Variants in USPL1 observed in about 807,000 individuals in gnomAD.
USPL1 encodes ubiquitin specific peptidase like 1, also known as SUMO-specific isopeptidase USPL1.
Under a neutral mutation model 51.5 loss-of-function variants are expected in USPL1, and 27 were observed. The ratio of observed to expected loss-of-function variants is 0.52; its 90% CI spans 0.39 to 0.72. The LOEUF is 0.72. USPL1 is among the 30% of genes least tolerant of loss of function. USPL1 has a pLI of 0.00. For synonymous variants in USPL1, 451 were observed against 459.6 expected, an observed-to-expected ratio of 0.98 and a Z score of 0.24; for missense variants, 1,226 against 1,268.0, an observed-to-expected ratio of 0.97 and a Z score of 0.50.
At chr13:30,620,467 G>T (rs1243050154) in intron 1 of USPL1, among the ~76,000 whole-genome samples, 3 of 152,154 alleles carry the variant, frequency 2.0e-5, no homozygotes, top group African/African-American at 7.2e-5. Context: ...TGCCACATAT[G>T]TAATTTGTAC....
intron 6 of USPL1, among the ~76,000 whole-genome samples, chr13:30,645,785 G>C (rs1181484613): frequency 6.6e-6 from 1 of 152,190 alleles, no homozygotes; most frequent in East Asian, 1.9e-4. Context: ...ATTTATCACT[G>C]TACTCTATGT....
chr13:30,651,123 G>A (rs1039048533), intron 7 of USPL1, among the ~76,000 whole-genome samples: 2 of 152,046 alleles, frequency 1.3e-5, no homozygotes, highest in African/African-American at 4.8e-5. Flanking sequence ...GTTCTGCATC[G>A]TTTCACTCCA....
rs1951244678 is a variant in USPL1 at position 30,660,462 on chromosome 13, A to G, written c.*1106A>G. 6.6e-6 allele frequency: 1 copy of G among 152,232 alleles called. No individual in the cohort carries two copies. Among genetic ancestry groups the G allele is most frequent in the Admixed American group, 6.5e-5 (1 of 15,294 alleles). The allele number at this position is 152,232 out of a possible 1,614,324, so 9.4% of individuals were successfully genotyped here. On this transcript the variant is annotated 3_prime_UTR_variant, in exon 9 of 9. Transcript: ENST00000255304. ...GAGGGTGGAGATCTTGCCTGCTCCA[A>G]GGCTGCAGCCGGAATGATAGCAGGC...
At position 30,657,786 on chromosome 13, in the gene USPL1, A is replaced by T. The variant is rs753335412; in HGVS notation, c.1709A>T (p.Asp570Val). 1.9e-6 allele frequency: 3 copies of T among 1,613,988 alleles called. No homozygotes were observed. In the African/African-American group the frequency reaches 4.0e-5, roughly 22 times the overall value. Residue 570 changes from aspartate to valine, a missense_variant, in exon 9 of 9, where the codon GAT becomes GTT. Transcript: ENST00000255304. The stretch of plus-strand genomic sequence containing the variant: ...CAGGACACAGCTGTAACTCATGGAG[A>T]TCATTTACTTTCAGGTCCAAAAGGT... Reference protein sequence around the residue: ...LSQDTAVTHGDHLLSGPKGLV... With the variant: ...LSQDTAVTHGVHLLSGPKGLV...
At chr13:30,635,428 A>G (rs1321182544) in intron 4 of USPL1, among the ~76,000 whole-genome samples, 1 of 152,182 alleles carries the variant, frequency 6.6e-6, no homozygotes, top group Non-Finnish European at 1.5e-5. Flanking sequence ...TGCCACCTCT[A>G]GCATGTATCA....
At chr13:30,639,804 A>T (rs1950923308) in intron 5 of USPL1, among the ~76,000 whole-genome samples, 3 of 152,088 alleles carry the variant, frequency 2.0e-5, no homozygotes, top group African/African-American at 7.2e-5. Flanking sequence ...AGCAGATACC[A>T]TTTCCCTTCT....
At chr13:30,644,059 T>C (rs891264489) in intron 6 of USPL1, among the ~76,000 whole-genome samples, 3 of 151,200 alleles carry the variant, frequency 2.0e-5, no homozygotes, top group African/African-American at 7.3e-5. Context: ...CCGAGGCGGG[T>C]GGATCACGAG....
At chr13:30,620,653 C>T (rs138982489) in intron 1 of USPL1, among the ~76,000 whole-genome samples, 7 of 152,270 alleles carry the variant, frequency 4.6e-5, no homozygotes, top group African/African-American at 1.7e-4. Context: ...ATATGGTTCA[C>T]TGGTTCTTTT....
chr13:30,637,705 A>G lies in USPL1; in HGVS notation c.869-39A>G, dbSNP rs368975955. On this transcript the variant is annotated intron_variant, in intron 4 of 8. Transcript: ENST00000255304. ...GTCAGTTTTCTGTGGGAAGATATAC[A>G]TTGATGAGGAATTGATAATGTTCTC... The G allele has an allele frequency of 4.1e-6, 6 of 1,478,686 alleles. No individual in the cohort carries two copies. In the African/African-American group the frequency reaches 5.6e-5, roughly 14 times the overall value. The allele number at this position is 1,478,686 out of a possible 1,614,324, so 91.6% of individuals were successfully genotyped here. A position where few individuals can be genotyped will look rare whatever the true frequency, so the allele number is the denominator to read the frequency against.
intron 7 of USPL1, among the ~76,000 whole-genome samples, chr13:30,649,710 G>A (rs1023705797): frequency 7.9e-5 from 12 of 152,210 alleles, no homozygotes; most frequent in African/African-American, 2.9e-4. Flanking sequence ...GCACAGGGAC[G>A]CGATATTTCT....
intron 3 of USPL1, among the ~76,000 whole-genome samples, chr13:30,626,969 T>G (rs1950724957): frequency 6.6e-6 from 1 of 152,160 alleles, no homozygotes; most frequent in African/African-American, 2.4e-5. Context: ...TATTATAATT[T>G]GTCTTTGGCC....
intron 3 of USPL1, among the ~76,000 whole-genome samples, chr13:30,628,549 C>T (rs1950755359): frequency 6.6e-6 from 1 of 152,194 alleles, no homozygotes; most frequent in African/African-American, 2.4e-5. Flanking sequence ...GCCCCCTACC[C>T]GCCGACAGGC....
At chr13:30,636,574 T>C (rs548973161) in intron 4 of USPL1, among the ~76,000 whole-genome samples, 2 of 152,346 alleles carry the variant, frequency 1.3e-5, no homozygotes, top group South Asian at 4.1e-4. Flanking sequence ...TTATTAATCT[T>C]GGATAGTTTC....
chr13:30,657,734 A>G lies in USPL1; in HGVS notation c.1657A>G (p.Ile553Val), dbSNP rs200788785. The G allele has an allele frequency of 2.2e-5, 35 of 1,614,212 alleles. No homozygotes were observed. Among genetic ancestry groups the G allele is most frequent in the African/African-American group, 2.7e-5 (2 of 75,062 alleles). The change falls in exon 9 of 9, where the codon ATA becomes GTA. Residue 553 changes from isoleucine (I) to valine (V), a missense_variant. By Grantham distance (29) the Ile-to-Val change is conservative. Coordinates refer to ENST00000255304, the MANE Select transcript of USPL1 (RefSeq NM_005800.5). ...AGCCTCAGTAACTCACCCTAAAGAT[A>G]TATCAGTTGCCCCTCGTACTCTTTC... ...ETASVTHPKD[I>V]SVAPRTLSQD...
chr13:30,630,931 T>C lies in USPL1; in HGVS notation c.325T>C (p.Leu109=), dbSNP rs749247541. 3 of 1,613,998 alleles carry C rather than the reference T, an allele frequency of 1.9e-6. No homozygotes were observed. The highest frequency in any genetic ancestry group is 1.7e-5 in the Admixed American group (1 of 59,998). ...ACATAAGCCTCAGAAAAGGAAGAGC[T>C]TAGAAAGCAGCTATAAGGATTCACT... ...TPHKPQKRKS[L]ESSYKDSLLL... The change falls in exon 4 of 9, where the codon TTA becomes CTA. Residue 109 remains leucine, a synonymous_variant. Coordinates refer to ENST00000255304, the MANE Select transcript of USPL1 (RefSeq NM_005800.5).
intron 8 of USPL1, among the ~76,000 whole-genome samples, chr13:30,656,576 T>C (rs574224007): frequency 6.6e-6 from 1 of 152,364 alleles, no homozygotes; most frequent in South Asian, 2.1e-4. Flanking sequence ...GTATGTATTA[T>C]CCATTTATCT....
chr13:30,621,715 A>G (rs1950648770), intron 2 of USPL1, 49 bp from the exon 3 acceptor site: 2 of 1,312,822 alleles, frequency 1.5e-6, no homozygotes, highest in African/African-American at 1.5e-5. Flanking sequence ...TAATATTTTG[A>G]TATATTCTAG....
intron 4 of USPL1, among the ~76,000 whole-genome samples, chr13:30,632,614 A>G (rs1399313340): frequency 6.6e-6 from 1 of 151,800 alleles, no homozygotes; most frequent in African/African-American, 2.4e-5. Context: ...GGGTTTCACC[A>G]TGTTGGTCAG....
intron 3 of USPL1, among the ~76,000 whole-genome samples, chr13:30,630,473 G>A (rs935898380): frequency 6.6e-6 from 1 of 152,164 alleles, no homozygotes; most frequent in Non-Finnish European, 1.5e-5. Context: ...GTATAATGTA[G>A]TGTCTGTCCC....
Sources: allele counts gnomAD v4.1 joint callset (sites outside exome capture counted in the v4.1 genomes callset), GRCh38; gene constraint gnomAD v4.1.1; transcripts MANE v1.5; gene names NCBI Gene and HGNC (gene_info 2026-07-23, HGNC 2026-07-21).